NASP: variants seen among roughly 807,000 people sequenced by gnomAD.
NASP encodes the protein NASP histone chaperone.
In NASP, 24 loss-of-function variants were observed where a neutral mutation model predicts 89.5. The observed-to-expected ratio is 0.27, with a 90% CI of 0.19 to 0.38. The LOEUF is 0.38. Among genes scored for constraint, NASP ranks in the 10% least tolerant of loss-of-function variants. The pLI is 1.00. For missense variants in NASP, 848 were observed against 921.4 expected (o/e 0.92, Z 1.03); for synonymous variants, 306 against 324.7 (o/e 0.94, Z 0.62).
chr1:45,588,190 A>T (rs997089860), intron 1 of NASP, among the ~76,000 whole-genome samples: 3 of 151,816 alleles, frequency 2.0e-5, no homozygotes, highest in Non-Finnish European at 4.4e-5. Context: ...CGCAGTCTCC[A>T]CCTCCAGGGT....
chr1:45,586,286 T>TGTGTGTGGG (rs1557646544), intron 1 of NASP, among the ~76,000 whole-genome samples: 6 of 88,338 alleles, frequency 6.8e-5, no homozygotes, highest in African/African-American at 3.2e-4. Flanking sequence ...GTGTGTGTGG[T>TGTGTGTGGG]GTGTGTGTGT....
chr1:45,596,907 T>C lies in NASP; in HGVS notation c.108-5348T>C, dbSNP rs183441721. 5.6e-4 allele frequency among the ~76,000 whole-genome samples: 85 copies of C among 152,048 alleles called. No homozygotes were observed. The East Asian group carries it at 0.013, about 23-fold the overall frequency. ...CTGAGGCAGGAGAATCGCTTGAACC[T>C]GGGAGGCAGAGGTTGCAGTGAGCTG... On this transcript the variant is annotated intron_variant, in intron 2 of 14. Coordinates refer to ENST00000350030, the MANE Select transcript of NASP (RefSeq NM_002482.4).
At chr1:45,602,229 C>T (rs1426605253) in intron 2 of NASP, 26 bp from the exon 3 acceptor site, 1 of 1,603,852 alleles carries the variant, frequency 6.2e-7, no homozygotes, top group African/African-American at 1.3e-5. Context: ...CAGTACTTGA[C>T]ACTAGAAAAA....
intron 5 of NASP, 107 bp from the exon 6 acceptor site, chr1:45,607,214 T>G (rs754148541): frequency 3.6e-5 from 42 of 1,182,718 alleles, no homozygotes; most frequent in Non-Finnish European, 4.7e-5. Flanking sequence ...TGCTGAAACT[T>G]GGTAGGCTTT....
intron 13 of NASP, chr1:45,617,101 C>A: frequency 3.4e-6 from 1 of 297,646 alleles, no homozygotes; most frequent in Non-Finnish European, 6.4e-6. Flanking sequence ...CCTCGGCATC[C>A]CAAAGTGCTG....
Position 45,608,586 on chromosome 1 carries a change from AT to A in NASP, c.1426+252del, listed in dbSNP as rs79871596. ...AACTGCAAAATAGGCCTTCTGTGTG[AT>A]TTCTGAGACTTGGCTAGCTATCAGT... is the stretch of plus-strand genomic sequence containing the variant. On this transcript the variant is annotated intron_variant, in intron 6 of 14. Transcript: ENST00000350030. Among the ~76,000 whole-genome samples, 84 of 152,128 alleles carry A rather than the reference AT, an allele frequency of 5.5e-4. No homozygotes were observed. The East Asian group carries it at 0.013, about 24-fold the overall frequency.
intron 2 of NASP, among the ~76,000 whole-genome samples, chr1:45,600,859 CTT>C (rs1643824058): frequency 6.6e-6 from 1 of 152,168 alleles, no homozygotes; most frequent in African/African-American, 2.4e-5. Flanking sequence ...TGTGGTCAGT[CTT>C]TTAAAATTTT....
At chr1:45,612,519 T>A (rs17410308) in intron 6 of NASP, 13,727 of 152,218 alleles carry the variant, frequency 0.09, 836 homozygotes, top group Non-Finnish European at 0.14. Flanking sequence ...TGGTGAAATA[T>A]GGTGTTGATA....
At chr1:45,587,989 C>CAACACTGTGG (rs1644582197) in intron 1 of NASP, among the ~76,000 whole-genome samples, 1 of 151,824 alleles carries the variant, frequency 6.6e-6, no homozygotes, top group African/African-American at 2.4e-5. Context: ...GTGGTAATCC[C>CAACACTGTGG]AACACTGTGG....
intron 7 of NASP, 47 bp downstream of exon 7, chr1:45,613,295 T>G: frequency 1.3e-6 from 2 of 1,563,394 alleles, no homozygotes; most frequent in South Asian, 1.2e-5. Context: ...TTTCTGTTTT[T>G]GGGAGACTGG....
rs1174774216 is a variant in NASP at position 45,606,564 on chromosome 1, C to T, written c.382C>T (p.Leu128=). 1 of 1,610,022 alleles carries T rather than the reference C, an allele frequency of 6.2e-7. No individual in the cohort carries two copies. Residue 128 remains leucine (L), a synonymous_variant, in exon 5 of 15, where the codon CTG becomes TTG. Transcript: ENST00000350030. ...EEGEKTEDES[L]VENNDNIDEE... is the part of the protein sequence containing the mutation. ...AGGAGAAAAAACAGAAGATGAATCT[C>T]TGGTAGAAAATAATGATAACATAGA...
At chr1:45,605,429 A>G (rs1050424827) in intron 4 of NASP, among the ~76,000 whole-genome samples, 8 of 152,072 alleles carry the variant, frequency 5.3e-5, no homozygotes, top group African/African-American at 1.9e-4. Context: ...TATACAAACT[A>G]GCAAATGATG....
At chr1:45,616,772 A>AC in intron 13 of NASP, 69 bp downstream of exon 13, 1 of 1,401,068 alleles carries the variant, frequency 7.1e-7, no homozygotes, top group South Asian at 1.2e-5. Flanking sequence ...TTTCCTATAA[A>AC]CCCCTCCCTA....
chr1:45,589,785 C>T (rs917388601), intron 1 of NASP, among the ~76,000 whole-genome samples: 35 of 151,936 alleles, frequency 2.3e-4, no homozygotes, highest in African/African-American at 8.5e-4. Flanking sequence ...CCTGTAATCC[C>T]AGCTACTTGG....
At chr1:45,593,979 T>C (rs1225165364) in intron 2 of NASP, among the ~76,000 whole-genome samples, 1 of 150,598 alleles carries the variant, frequency 6.6e-6, no homozygotes, top group Non-Finnish European at 1.5e-5. Flanking sequence ...TGGTGAGCTA[T>C]GATCCTGCCA....
Position 45,592,054 on chromosome 1 carries a change from C to T in NASP, c.107+784C>T, listed in dbSNP as rs552282591. ...CCAGGCTGGAGTGCAGTGGCGCAAT[C>T]TTGGCTCACTGCAACATCTGCCTCC... On this transcript the variant is annotated intron_variant, in intron 2 of 14. Transcript: ENST00000350030. Among the ~76,000 whole-genome samples the T allele has an allele frequency of 7.2e-5, 11 of 152,344 alleles. No individual in the cohort carries two copies. The South Asian group carries it at 2.3e-3, about 32-fold the overall frequency.
At chr1:45,595,539 C>G (rs1406441214) in intron 2 of NASP, among the ~76,000 whole-genome samples, 3 of 152,088 alleles carry the variant, frequency 2.0e-5, no homozygotes, top group Non-Finnish European at 4.4e-5. Context: ...AAGTTTTTTT[C>G]TTGTATACCT....
At chr1:45,586,293 GTGT>G (rs1557646647) in intron 1 of NASP, among the ~76,000 whole-genome samples, 44 of 97,540 alleles carry the variant, frequency 4.5e-4, no homozygotes, top group Middle Eastern at 5.1e-3. Flanking sequence ...TGGTGTGTGT[GTGT>G]GTGTGTGTGT....
At chr1:45,601,199 T>C (rs1436900236) in intron 2 of NASP, among the ~76,000 whole-genome samples, 1 of 152,204 alleles carries the variant, frequency 6.6e-6, no homozygotes, top group East Asian at 1.9e-4. Context: ...TTTTTCCTCT[T>C]GTTAATAGTT....
Sources: allele counts gnomAD v4.1 joint callset (sites outside exome capture counted in the v4.1 genomes callset), GRCh38; gene constraint gnomAD v4.1.1; transcripts MANE v1.5; gene names NCBI Gene and HGNC (gene_info 2026-07-23, HGNC 2026-07-21).